The following SPON2 variants were observed in gnomAD, a reference collection of about 807,000 sequenced individuals.
The protein encoded by SPON2 is spondin 2, also known as spondin-2.
In SPON2, 32 loss-of-function variants were observed where a neutral mutation model predicts 29.9. The ratio of observed to expected loss-of-function variants is 1.07; its 90% CI spans 0.81 to 1.44. The LOEUF (loss-of-function observed/expected upper bound fraction) is 1.44, where lower values mean the gene tolerates loss of function less well. Ranked by LOEUF, SPON2 falls within the 40% of genes most tolerant of loss-of-function variation. The probability of loss-of-function intolerance (pLI) is 0.00; values close to 1 mark genes in which losing one functional copy is unlikely to be tolerated. For missense variants in SPON2, 541 were observed against 455.5 expected (o/e 1.19, Z -1.71); for synonymous variants, 248 against 209.1 (o/e 1.19, Z -1.61).
chr4:1,189,638 CAAAAAAAAAAAA>C (rs61543201), intron 1 of SPON2, among the ~76,000 whole-genome samples: 1 of 60,252 alleles, frequency 1.7e-5, no homozygotes, highest in African/African-American at 6.2e-5. Context: ...GACCCTGTCT[CAAAAAAAAAAAA>C]AAAAAAAAGA....
At chr4:1,203,054 T>C (rs1728251993) in intron 1 of SPON2, among the ~76,000 whole-genome samples, 1 of 152,212 alleles carries the variant, frequency 6.6e-6, no homozygotes, top group Non-Finnish European at 1.5e-5. Flanking sequence ...CTAGCTTGGC[T>C]GTTTTTCCTC....
At chr4:1,189,638 C>CAAAAAAAAAAA (rs61543201) in intron 1 of SPON2, among the ~76,000 whole-genome samples, 2 of 60,246 alleles carry the variant, frequency 3.3e-5, no homozygotes, top group Non-Finnish European at 6.2e-5. Context: ...GACCCTGTCT[C>CAAAAAAAAAAA]AAAAAAAAAA....
At chr4:1,192,493 C>T (rs376460116) in intron 1 of SPON2, among the ~76,000 whole-genome samples, 52 of 152,338 alleles carry the variant, frequency 3.4e-4, no homozygotes, top group African/African-American at 1.2e-3. Flanking sequence ...TTGCCATTTT[C>T]GGATTGGCAT....
At chr4:1,169,534 A>G (rs1727353333) in intron 5 of SPON2, among the ~76,000 whole-genome samples, 1 of 152,072 alleles carries the variant, frequency 6.6e-6, no homozygotes, top group South Asian at 2.1e-4. Flanking sequence ...GGCTGACAGT[A>G]AGCTTGTAAT....
At chr4:1,183,309 G>A (rs537358553) in intron 1 of SPON2, among the ~76,000 whole-genome samples, 5 of 151,500 alleles carry the variant, frequency 3.3e-5, no homozygotes, top group African/African-American at 9.7e-5. Flanking sequence ...CAATGAGGGA[G>A]TTCACTACCT....
At chr4:1,185,650 G>A (rs1727778129) in intron 1 of SPON2, among the ~76,000 whole-genome samples, 1 of 140,480 alleles carries the variant, frequency 7.1e-6, no homozygotes, top group Non-Finnish European at 1.5e-5. Flanking sequence ...GGACATTGCA[G>A]TGAGCTGAGA....
At chr4:1,206,023 C>T (rs1359758637) in intron 1 of SPON2, among the ~76,000 whole-genome samples, 7 of 151,986 alleles carry the variant, frequency 4.6e-5, no homozygotes, top group Admixed American at 2.0e-4. Context: ...GGGTTGGGGG[C>T]GGAGCTTTTG....
Position 1,202,555 on chromosome 4 carries a change from C to T in SPON2, c.-234+5325G>A, listed in dbSNP as rs1560214551. Among the ~76,000 whole-genome samples the T allele has an allele frequency of 1.3e-5, 2 of 152,138 alleles. No individual in the cohort carries two copies. Among genetic ancestry groups the T allele is most frequent in the African/African-American group, 2.4e-5 (1 of 41,436 alleles). ...CCAGACACATGGGGGCAGGGCTGGG[C>T]CCCCACGGCTTCTGTGGGCTCAGCC... is the stretch of plus-strand genomic sequence containing the variant. On this transcript the variant is annotated intron_variant, in intron 1 of 3. Coordinates refer to the SPON2 transcript ENST00000509233. The surrounding 1 kb of genome is among the most constrained non-coding windows in gnomAD (Gnocchi z 5.4).
intron 1 of SPON2, chr4:1,200,570 C>T (rs1728173780): frequency 1.2e-5 from 4 of 341,446 alleles, no homozygotes; most frequent in African/African-American, 4.3e-5. Flanking sequence ...ACCATGAGCT[C>T]ACCCCACGGG....
At chr4:1,170,881 C>A (rs1400375629) in intron 4 of SPON2, 118 bp downstream of exon 4, 1 of 1,373,336 alleles carries the variant, frequency 7.3e-7, no homozygotes, top group African/African-American at 1.4e-5. Flanking sequence ...AGAGCCTCTT[C>A]CACACAAAAG....
chr4:1,186,045 C>G (rs553433742), intron 1 of SPON2, among the ~76,000 whole-genome samples: 19 of 149,858 alleles, frequency 1.3e-4, no homozygotes, highest in Non-Finnish European at 2.2e-4. Context: ...GAGATCGAGA[C>G]CATCCTGGCT....
chr4:1,182,903 G>C (rs1307917416), intron 1 of SPON2, among the ~76,000 whole-genome samples: 1 of 152,134 alleles, frequency 6.6e-6, no homozygotes, highest in Non-Finnish European at 1.5e-5. Context: ...CCAGAAAGCA[G>C]TGGGCTGATA....
chr4:1,180,475 A>G (rs539240876), intron 1 of SPON2, among the ~76,000 whole-genome samples: 1 of 152,304 alleles, frequency 6.6e-6, no homozygotes, highest in Non-Finnish European at 1.5e-5. Flanking sequence ...AAATTGTGAG[A>G]TGTGAGAAAG....
In SPON2 at chr4:1,170,815, G is replaced by A. The variant is rs757441729; in HGVS notation, c.636+184C>T. 77 of 1,006,792 alleles carry A rather than the reference G, an allele frequency of 7.6e-5. No individual in the cohort carries two copies. In the African/African-American group the frequency reaches 1.1e-3, roughly 14 times the overall value. The allele number at this position is 1,006,792 out of a possible 1,614,324, so 62.4% of individuals were successfully genotyped here. On this transcript the variant is annotated intron_variant, in intron 4 of 5. Coordinates refer to ENST00000290902, the MANE Select transcript of SPON2 (RefSeq NM_012445.4). ...GTCCTCCCTGCGGTGCTGTGACCCC[G>A]GGTTGGGAGAGTATGGGAGGGCTGC...
At chr4:1,187,051 G>A (rs938262009) in intron 1 of SPON2, among the ~76,000 whole-genome samples, 1 of 152,180 alleles carries the variant, frequency 6.6e-6, no homozygotes, top group South Asian at 2.1e-4. Context: ...ATGGAAATCA[G>A]GGTCTTGAAA....
At chr4:1,194,668 G>C (rs1296636225) in intron 1 of SPON2, among the ~76,000 whole-genome samples, 2 of 152,166 alleles carry the variant, frequency 1.3e-5, no homozygotes, top group African/African-American at 4.8e-5. Context: ...GTCTGAGCTG[G>C]CCCCGCTGCC....
intron 1 of SPON2, among the ~76,000 whole-genome samples, chr4:1,188,739 C>G (rs962407255): frequency 6.6e-6 from 1 of 152,174 alleles, no homozygotes; most frequent in Non-Finnish European, 1.5e-5. Flanking sequence ...AGACTTCCAG[C>G]TTTCAATAGC....
chr4:1,189,545 T>C (rs1727864554), intron 1 of SPON2, among the ~76,000 whole-genome samples: 1 of 137,438 alleles, frequency 7.3e-6, no homozygotes, highest in African/African-American at 2.8e-5. Context: ...CCCAGCTACC[T>C]GGGAGGCTTG....
intron 1 of SPON2, among the ~76,000 whole-genome samples, chr4:1,193,012 C>G (rs1443330276): frequency 2.6e-5 from 4 of 152,284 alleles, no homozygotes; most frequent in East Asian, 3.9e-4. Flanking sequence ...TCTGAGTACC[C>G]ACCAGGCCCA....
Sources: gnomAD v4.1 joint callset for allele counts (sites outside exome capture counted in the v4.1 genomes callset) on GRCh38, gnomAD v4.1.1 for gene constraint, Gnocchi (gnomAD v3.1) non-coding constraint, MANE v1.5 for transcripts, NCBI Gene and HGNC (gene_info 2026-07-23, HGNC 2026-07-21) for gene names.